The following PCDHGA10 variants were observed in gnomAD, a reference collection of about 807,000 sequenced individuals.
The protein encoded by PCDHGA10 is protocadherin gamma-A10.
In PCDHGA10, 42 loss-of-function variants were observed where a neutral mutation model predicts 59.5. That is an observed-to-expected ratio of 0.71 (90% CI 0.55 to 0.91). PCDHGA10 has a LOEUF of 0.91. Among genes scored for constraint, PCDHGA10 ranks in the 40% least tolerant of loss-of-function variants. The pLI, the probability that PCDHGA10 is intolerant of heterozygous loss-of-function variation, is 0.00. For synonymous variants in PCDHGA10, 511 were observed against 517.2 expected (o/e 0.99, Z 0.16); for missense variants, 1,111 against 1,198.2 (o/e 0.93, Z 1.07).
Position 141,485,422 on chromosome 5 carries a change from C to G in PCDHGA10, c.2437-9385C>G, listed in dbSNP as rs775279056. 6.2e-7 allele frequency: 1 copy of G among 1,614,130 alleles called. No homozygotes were observed. Among genetic ancestry groups the G allele is most frequent in the East Asian group, 2.2e-5 (1 of 44,872 alleles). ...TCCGTGTGGATTTGGACAGCGGAGC[C>G]CTGCTCATCAAGAACCCAATCGACC... On this transcript the variant is annotated intron_variant, in intron 1 of 3. Transcript: ENST00000398610. The surrounding 1 kb of genome is among the most constrained non-coding windows in gnomAD (Gnocchi z 5.7).
At position 141,476,946 on chromosome 5, in the gene PCDHGA10, G is replaced by A; in HGVS notation, c.2437-17861G>A. ...ACGGATCTGGATGAAGGCCCCAACG[G>A]TGAAATTATTTACTCCTTCGGCAGC... On this transcript the variant is annotated intron_variant, in intron 1 of 3. Transcript: ENST00000398610. The surrounding 1 kb of genome is among the most constrained non-coding windows in gnomAD (Gnocchi z 7.6). The A allele has an allele frequency of 6.2e-7, 1 of 1,614,206 alleles. No individual in the cohort carries two copies. Among genetic ancestry groups the A allele is most frequent in the Non-Finnish European group, 8.5e-7 (1 of 1,180,044 alleles).
At chr5:141,422,888 T>C in intron 1 of PCDHGA10, 2 of 1,614,262 alleles carry the variant, frequency 1.2e-6, no homozygotes, top group South Asian at 2.2e-5. Flanking sequence ...CTGTTCGTGC[T>C]GGACCAGAAC....
rs1348785166 is a variant in PCDHGA10, at chr5:141,431,381, C to T, written c.2436+15770C>T. On this transcript the variant is annotated intron_variant, in intron 1 of 3. Coordinates refer to ENST00000398610, the MANE Select transcript of PCDHGA10 (RefSeq NM_018913.3). The surrounding 1 kb of genome is among the most constrained non-coding windows in gnomAD (Gnocchi z 4.8). Reference sequence around the variant, plus strand: ...CCTGGACCGCGAAGAAAAGGCTGCTCACCACCTGGTCCTTACGGCCTCCGA... The same window carrying T: ...CCTGGACCGCGAAGAAAAGGCTGCTTACCACCTGGTCCTTACGGCCTCCGA... 1.2e-6 allele frequency: 2 copies of T among 1,613,940 alleles called. No homozygotes were observed. Among genetic ancestry groups the T allele is most frequent in the Non-Finnish European group, 1.7e-6 (2 of 1,180,042 alleles).
chr5:141,442,898 TCTC>T (rs1427810429), intron 1 of PCDHGA10, among the ~76,000 whole-genome samples: 14 of 152,222 alleles, frequency 9.2e-5, no homozygotes, highest in Admixed American at 9.2e-4. Context: ...GCTTATCACT[TCTC>T]CTTCAGCACA....
intron 1 of PCDHGA10, chr5:141,428,067 G>A (rs753358896): frequency 6.2e-7 from 1 of 1,609,228 alleles, no homozygotes; most frequent in South Asian, 1.1e-5. Flanking sequence ...GGTGGACGCA[G>A]ATTCGGGACA....
Position 141,490,070 on chromosome 5 carries a change from T to C in PCDHGA10, c.2437-4737T>C, listed in dbSNP as rs2099695766. ...CCAGACGAGGGCACCAACGGCCAAC[T>C]AGACTATTCTTTTGGAGACCACACA... On this transcript the variant is annotated intron_variant, in intron 1 of 3. Transcript: ENST00000398610. The surrounding 1 kb of genome is among the most constrained non-coding windows in gnomAD (Gnocchi z 5.4). The C allele has an allele frequency of 6.2e-7, 1 of 1,614,198 alleles. No individual in the cohort carries two copies.
intron 3 of PCDHGA10, among the ~76,000 whole-genome samples, chr5:141,506,879 G>T (rs958969109): frequency 6.6e-6 from 1 of 152,172 alleles, no homozygotes; most frequent in Non-Finnish European, 1.5e-5. Flanking sequence ...AGAACCAGGT[G>T]AAATCACAAG....
At chr5:141,473,098 A>G (rs564554159) in intron 1 of PCDHGA10, among the ~76,000 whole-genome samples, 6 of 152,300 alleles carry the variant, frequency 3.9e-5, no homozygotes, top group South Asian at 4.1e-4. Context: ...TGTGAGTTGT[A>G]TTACCACACT....
At chr5:141,478,396 G>GT in intron 1 of PCDHGA10, 1 of 1,613,564 alleles carries the variant, frequency 6.2e-7, no homozygotes, top group Non-Finnish European at 8.5e-7. Flanking sequence ...ACCATCAGGT[G>GT]TATCTCACCA....
At chr5:141,420,341 G>A in intron 1 of PCDHGA10, 5 of 1,391,412 alleles carry the variant, frequency 3.6e-6, no homozygotes, top group Middle Eastern at 1.9e-4. Context: ...CAATATAGTG[G>A]TATTATTTTA....
chr5:141,433,164 A>G, intron 1 of PCDHGA10: 3 of 1,613,600 alleles, frequency 1.9e-6, no homozygotes, highest in Non-Finnish European at 2.5e-6. Context: ...TTTTCTAAAG[A>G]CAGTCATGGG....
At position 141,477,369 on chromosome 5, in the gene PCDHGA10, A is replaced by G; in HGVS notation, c.2437-17438A>G. The G allele has an allele frequency of 6.2e-7, 1 of 1,614,164 alleles. No individual in the cohort carries two copies. Among genetic ancestry groups the G allele is most frequent in the Non-Finnish European group, 8.5e-7 (1 of 1,180,026 alleles). ...AAAACCAGTGCAGACCTGGATCGGG[A>G]GACTGTGCCAGAATACAACCTCAGC... On this transcript the variant is annotated intron_variant, in intron 1 of 3. Transcript: ENST00000398610. The surrounding 1 kb of genome is among the most constrained non-coding windows in gnomAD (Gnocchi z 4.9).
At position 141,491,919 on chromosome 5, in the gene PCDHGA10, C is replaced by A. The variant is rs1177043977; in HGVS notation, c.2437-2888C>A. 1.5e-6 allele frequency: 2 copies of A among 1,361,778 alleles called. No homozygotes were observed. Among genetic ancestry groups the A allele is most frequent in the South Asian group, 1.6e-5 (1 of 64,218 alleles). 84.4% of individuals were successfully genotyped at this position (1,361,778 alleles called of 1,614,324 possible). A position where few individuals can be genotyped will look rare whatever the true frequency, so the allele number is the denominator to read the frequency against. On this transcript the variant is annotated intron_variant, in intron 1 of 3. Coordinates refer to ENST00000398610, the MANE Select transcript of PCDHGA10 (RefSeq NM_018913.3). The surrounding 1 kb of genome is among the most constrained non-coding windows in gnomAD (Gnocchi z 6.9). ...CACCGGGGGTGGTGGCGACTGTGGGCGAGGGGAGGTGGGACCGACCCCCAC... is the reference window on the plus strand; with the variant it reads ...CACCGGGGGTGGTGGCGACTGTGGGAGAGGGGAGGTGGGACCGACCCCCAC...
rs2099883850 is a variant in PCDHGA10, at chr5:141,511,565, A to T, written c.*392A>T. The T allele has an allele frequency of 3.4e-6, 1 of 295,974 alleles. No homozygotes were observed. Among genetic ancestry groups the T allele is most frequent in the African/African-American group, 2.2e-5 (1 of 46,502 alleles). The allele number at this position is 295,974 out of a possible 1,614,324, so 18.3% of individuals were successfully genotyped here. The stretch of plus-strand genomic sequence containing the variant: ...CCACTCCAACAGTTCCTCTTTCCCG[A>T]GTAAGGTGGTTGGGGTGTTGAAGTA... On this transcript the variant is annotated 3_prime_UTR_variant, in exon 4 of 4. Coordinates refer to ENST00000398610, the MANE Select transcript of PCDHGA10 (RefSeq NM_018913.3).
intron 1 of PCDHGA10, among the ~76,000 whole-genome samples, chr5:141,444,472 C>T (rs559334960): frequency 2.1e-4 from 32 of 151,968 alleles, no homozygotes; most frequent in Admixed American, 1.5e-3. Flanking sequence ...CGCCCGGTCG[C>T]GTACTGGATT....
At chr5:141,429,571 A>G (rs1221285032) in intron 1 of PCDHGA10, among the ~76,000 whole-genome samples, 2 of 152,156 alleles carry the variant, frequency 1.3e-5, no homozygotes, top group Non-Finnish European at 2.9e-5. Flanking sequence ...ATTCAGTTAC[A>G]TTTACTTTTG....
intron 1 of PCDHGA10, 79 bp from the exon 2 acceptor site, chr5:141,494,728 C>T (rs2099756337): frequency 1.2e-6 from 2 of 1,609,984 alleles, no homozygotes; most frequent in Admixed American, 3.3e-5. Context: ...TCCTTCTCTC[C>T]CGGCCCATCC....
intron 1 of PCDHGA10, chr5:141,427,746 T>A: frequency 7.9e-7 from 1 of 1,272,038 alleles, no homozygotes; most frequent in African/African-American, 1.5e-5. Flanking sequence ...AGTCTCCTAC[T>A]CCATCGTTAC....
Position 141,414,778 on chromosome 5 carries a change from C to T in PCDHGA10, c.1603C>T (p.Gln535Ter), listed in dbSNP as rs1346896593. The change falls in exon 1 of 4, where the codon CAG (glutamine) becomes TAG (stop). Residue 535 changes from glutamine (Q) to a stop codon, truncating the protein, a stop_gained. Transcript: ENST00000398610. LOFTEE classifies it high-confidence loss of function. ...TGAGCAGTTTCATGAGCTACAGATG[C>T]AGGTGACAGCCAGCGACAGCGGGGA... ...DYEQFHELQM[Q>*]VTASDSGDPP... is the part of the protein sequence containing the mutation. 7.4e-6 allele frequency: 12 copies of T among 1,614,202 alleles called. No homozygotes were observed. The highest frequency in any genetic ancestry group is 1.0e-5 in the Non-Finnish European group (12 of 1,180,046).
Sources: allele counts gnomAD v4.1 joint callset (sites outside exome capture counted in the v4.1 genomes callset), GRCh38; gene constraint gnomAD v4.1.1; non-coding constraint Gnocchi (gnomAD v3.1); transcripts MANE v1.5; gene names NCBI Gene and HGNC (gene_info 2026-07-23, HGNC 2026-07-21).